FAM168A: variants seen among roughly 807,000 people sequenced by gnomAD.
FAM168A encodes the protein family with sequence similarity 168 member A.
Under a neutral mutation model 28.5 loss-of-function variants are expected in FAM168A, and 3 were observed. The ratio of observed to expected loss-of-function variants is 0.11; its 90% confidence interval spans 0.05 to 0.27. FAM168A has a LOEUF of 0.27. Ranked by LOEUF, FAM168A falls within the 10% of genes least tolerant of loss-of-function variation. The probability of loss-of-function intolerance (pLI) is 1.00; values close to 1 mark genes in which losing one functional copy is unlikely to be tolerated. For missense variants in FAM168A, 222 were observed against 311.5 expected (o/e 0.71, Z 2.16); for synonymous variants, 122 against 124.2 (o/e 0.98, Z 0.12).
At chr11:73,510,728 G>T (rs539031323) in intron 1 of FAM168A, 1 of 374,996 alleles carries the variant, frequency 2.7e-6, no homozygotes, top group Non-Finnish European at 4.7e-6. Flanking sequence ...GAACCATTTG[G>T]ATATATAGGT....
chr11:73,500,712 C>G (rs1854993740), intron 1 of FAM168A, among the ~76,000 whole-genome samples: 1 of 152,122 alleles, frequency 6.6e-6, no homozygotes, highest in South Asian at 2.1e-4. Flanking sequence ...AAGGAAAAAC[C>G]AGTACCAGCC....
chr11:73,534,409 T>TTA (rs1233586704), intron 1 of FAM168A, among the ~76,000 whole-genome samples: 4 of 149,112 alleles, frequency 2.7e-5, no homozygotes, highest in African/African-American at 9.8e-5. Flanking sequence ...ATTTATTTAT[T>TTA]TTTTTTTTTT....
chr11:73,510,305 G>T (rs1478921160), intron 1 of FAM168A, among the ~76,000 whole-genome samples: 8 of 152,112 alleles, frequency 5.3e-5, no homozygotes, highest in Admixed American at 5.2e-4. Context: ...ATCTTTGAGG[G>T]ATAAGAGATA....
At chr11:73,433,088 T>TTTTTTTTTTTTTTTTTTTTC in intron 2 of FAM168A, among the ~76,000 whole-genome samples, 1 of 138,390 alleles carries the variant, frequency 7.2e-6, no homozygotes, top group African/African-American at 2.8e-5. Context: ...TTTTTTTTTT[T>TTTTTTTTTTTTTTTTTTTTC]TTTTTTTTTT....
intron 1 of FAM168A, among the ~76,000 whole-genome samples, chr11:73,569,034 G>C (rs941761788): frequency 2.0e-5 from 3 of 151,884 alleles, no homozygotes; most frequent in Non-Finnish European, 4.4e-5. Flanking sequence ...TTGTTTCTTC[G>C]GTGTTACAAA....
intron 1 of FAM168A, among the ~76,000 whole-genome samples, chr11:73,561,623 T>C (rs1943959445): frequency 1.3e-5 from 2 of 152,164 alleles, no homozygotes; most frequent in Non-Finnish European, 2.9e-5. Context: ...AATAAGTACA[T>C]TAAAATTATT....
chr11:73,507,593 C>A (rs1565275580), intron 1 of FAM168A, among the ~76,000 whole-genome samples: 1 of 151,758 alleles, frequency 6.6e-6, no homozygotes, highest in Non-Finnish European at 1.5e-5. Context: ...TATAACAAAC[C>A]TATGTGTGTA....
intron 2 of FAM168A, among the ~76,000 whole-genome samples, chr11:73,443,412 C>T (rs577198964): frequency 2.5e-4 from 38 of 152,178 alleles, no homozygotes; most frequent in African/African-American, 8.0e-4. Context: ...CATAAGTAAC[C>T]CTGATATTAG....
In FAM168A at chr11:73,470,532, G is replaced by A. The variant is rs557854589; in HGVS notation, c.-18-2040C>T. 1.2e-3 allele frequency among the ~76,000 whole-genome samples: 185 copies of A among 152,304 alleles called. 1 individual carries two copies. The highest frequency in any genetic ancestry group is 4.3e-3 in the African/African-American group (180 of 41,560). ...GATCTGCCCTGATGAATGAGTTAAT[G>A]CCATTATTACAGGAGTGGGTTTTAT... On this transcript the variant is annotated intron_variant, in intron 1 of 7. Transcript: ENST00000356467.
intron 2 of FAM168A, among the ~76,000 whole-genome samples, chr11:73,458,454 T>C (rs964356411): frequency 1.3e-5 from 2 of 152,224 alleles, no homozygotes; most frequent in Non-Finnish European, 2.9e-5. Context: ...CATCTGCTTT[T>C]AGCATCACAC....
At chr11:73,529,344 C>T (rs969372135) in intron 1 of FAM168A, among the ~76,000 whole-genome samples, 2 of 152,220 alleles carry the variant, frequency 1.3e-5, no homozygotes, top group African/African-American at 4.8e-5. Context: ...TTGCATAAGT[C>T]TCTCAACCTT....
chr11:73,557,747 C>T (rs778314601), intron 1 of FAM168A, among the ~76,000 whole-genome samples: 1 of 152,172 alleles, frequency 6.6e-6, no homozygotes, highest in Non-Finnish European at 1.5e-5. Flanking sequence ...GGAAGACTCA[C>T]ACTTTCCAAT....
intron 1 of FAM168A, among the ~76,000 whole-genome samples, chr11:73,532,025 C>G (rs1943520293): frequency 6.9e-6 from 1 of 144,336 alleles, no homozygotes; most frequent in African/African-American, 2.6e-5. Context: ...GTTGCCCAGG[C>G]TGGTCTCAAG....
intron 1 of FAM168A, among the ~76,000 whole-genome samples, chr11:73,521,819 A>C: frequency 6.6e-6 from 1 of 152,204 alleles, no homozygotes; most frequent in South Asian, 2.1e-4. Context: ...ATGATTCCCC[A>C]GCACTAGACA....
At chr11:73,464,820 C>T (rs1867708156) in intron 2 of FAM168A, among the ~76,000 whole-genome samples, 2 of 151,764 alleles carry the variant, frequency 1.3e-5, no homozygotes, top group Admixed American at 1.3e-4. Context: ...ACATTTATTA[C>T]TCTCAGCTGT....
At chr11:73,416,314 A>G (rs1866693673) in intron 4 of FAM168A, among the ~76,000 whole-genome samples, 1 of 152,210 alleles carries the variant, frequency 6.6e-6, no homozygotes, top group Non-Finnish European at 1.5e-5. Flanking sequence ...AATCTTTTTC[A>G]GTTGTAGAAG....
intron 1 of FAM168A, among the ~76,000 whole-genome samples, chr11:73,587,004 G>A (rs2134742389): frequency 6.6e-6 from 1 of 152,014 alleles, no homozygotes; most frequent in Admixed American, 6.6e-5. Flanking sequence ...TTTAGTAAAG[G>A]TTTGACAACA....
intron 1 of FAM168A, among the ~76,000 whole-genome samples, chr11:73,536,860 C>A (rs1943588982): frequency 6.6e-6 from 1 of 152,094 alleles, no homozygotes; most frequent in South Asian, 2.1e-4. Flanking sequence ...GTGAACGGAT[C>A]CATATGTGGA....
chr11:73,501,576 G>C (rs1490760395), intron 1 of FAM168A, among the ~76,000 whole-genome samples: 5 of 152,142 alleles, frequency 3.3e-5, no homozygotes, highest in Non-Finnish European at 5.9e-5. Context: ...TGAACAACCT[G>C]CTCCTGAATG....
Sources: allele counts gnomAD v4.1 joint callset (sites outside exome capture counted in the v4.1 genomes callset), GRCh38; gene constraint gnomAD v4.1.1; transcripts MANE v1.5; gene names NCBI Gene and HGNC (gene_info 2026-07-23, HGNC 2026-07-21).